The following CDC16 variants were observed in gnomAD, a reference collection of about 807,000 sequenced individuals.
CDC16 encodes cell division cycle protein 16 homolog.
In CDC16, 34 loss-of-function variants were observed where a neutral mutation model predicts 87.0. That is an observed-to-expected ratio of 0.39 (90% confidence interval 0.30 to 0.52). The LOEUF (loss-of-function observed/expected upper bound fraction) is 0.52. Ranked by LOEUF, CDC16 falls within the 20% of genes least tolerant of loss-of-function variation. The pLI, the probability that CDC16 is intolerant of heterozygous loss-of-function variation, is 0.74. For missense variants in CDC16, 653 were observed against 751.9 expected (o/e 0.87, Z 1.54); for synonymous variants, 263 against 260.6 (o/e 1.01, Z -0.09).
intron 12 of CDC16, 101 bp from the exon 13 acceptor site, chr13:114,256,977 A>C (rs1353922256): frequency 1.4e-6 from 1 of 696,010 alleles, no homozygotes; most frequent in East Asian, 2.7e-5. Flanking sequence ...TGTTTTGGCT[A>C]CCTTTAAATT....
At chr13:114,264,699 C>A (rs1293161194) in intron 16 of CDC16, among the ~76,000 whole-genome samples, 1 of 151,850 alleles carries the variant, frequency 6.6e-6, no homozygotes, top group African/African-American at 2.4e-5. Context: ...GCAACCTCCA[C>A]CTCCCAGCAG....
intron 17 of CDC16, among the ~76,000 whole-genome samples, chr13:114,271,120 A>G (rs1192087938): frequency 6.6e-6 from 1 of 151,680 alleles, no homozygotes; most frequent in Non-Finnish European, 1.5e-5. Context: ...ACGGGGTTTC[A>G]CCACATTAGC....
At chr13:114,246,083 T>C (rs1248864848) in intron 10 of CDC16, 34 bp downstream of exon 10, 1 of 1,057,856 alleles carries the variant, frequency 9.5e-7, no homozygotes, top group African/African-American at 1.6e-5. Flanking sequence ...TAGTTTTTTT[T>C]TTTTTACCTG....
Position 114,259,315 on chromosome 13 carries a change from C to CT in CDC16, c.1251-14dup. ...TTGCTAATTTCGAATAATCTGCAAC[C>CT]TTTTTTCCTTTCATTTTAGATGGAA... On this transcript the variant is annotated intron_variant, in intron 13 of 17. Coordinates refer to ENST00000356221, the MANE Select transcript of CDC16 (RefSeq NM_001078645.3). The CT allele has an allele frequency of 6.4e-7, 1 of 1,558,312 alleles. No homozygotes were observed.
In CDC16 at chr13:114,239,096, G is replaced by T; in HGVS notation, c.240+68G>T. The T allele has an allele frequency of 8.9e-6, 8 of 900,338 alleles. No individual in the cohort carries two copies. In the South Asian group the frequency reaches 1.9e-4, roughly 22 times the overall value. The allele number at this position is 900,338 out of a possible 1,614,324, so 55.8% of individuals were successfully genotyped here. On this transcript the variant is annotated intron_variant, in intron 4 of 17. Coordinates refer to ENST00000356221, the MANE Select transcript of CDC16 (RefSeq NM_001078645.3). ...TGAGTGTTATGCATCTCTTAAATATGTGTGAGAATTTTAGTGATGGAGCTT... is the reference window on the plus strand; with the variant it reads ...TGAGTGTTATGCATCTCTTAAATATTTGTGAGAATTTTAGTGATGGAGCTT...
intron 13 of CDC16, among the ~76,000 whole-genome samples, chr13:114,258,996 G>A (rs1346978583): frequency 6.6e-6 from 1 of 151,666 alleles, no homozygotes; most frequent in Non-Finnish European, 1.5e-5. Flanking sequence ...TGTGTCAGGA[G>A]GCTGAGGCAC....
At chr13:114,265,325 C>G in intron 17 of CDC16, 85 bp downstream of exon 17, 8 of 866,600 alleles carry the variant, frequency 9.2e-6, no homozygotes, top group Non-Finnish European at 1.6e-5. Context: ...ATATTCTCGT[C>G]TGAGGTTCCA....
At chr13:114,253,020 C>T (rs566879090) in intron 12 of CDC16, among the ~76,000 whole-genome samples, 1 of 152,236 alleles carries the variant, frequency 6.6e-6, no homozygotes, top group South Asian at 2.1e-4. Context: ...GCCTGTAATC[C>T]CAGCTATGCG....
Position 114,262,973 on chromosome 13 carries a change from C to G in CDC16, c.1471C>G (p.Leu491Val). ...CTCTGCTATTGGATATATCCACAGTCTGATGGGCAACTTTGAAAATGCTGT... is the reference window on the plus strand; with the variant it reads ...CTCTGCTATTGGATATATCCACAGTGTGATGGGCAACTTTGAAAATGCTGT... ...TYSAIGYIHS[L>V]MGNFENAVDY... Residue 491 changes from leucine (L) to valine (V), a missense_variant, in exon 16 of 18, where the codon CTG (leucine) becomes GTG (valine). Physicochemically the swap from Leu to Val is conservative, Grantham distance 32. Coordinates refer to ENST00000356221, the MANE Select transcript of CDC16 (RefSeq NM_001078645.3). 5.6e-6 allele frequency: 9 copies of G among 1,613,888 alleles called. No individual in the cohort carries two copies. The highest frequency in any genetic ancestry group is 1.3e-5 in the African/African-American group (1 of 75,050).
At chr13:114,256,024 C>G (rs538826719) in intron 12 of CDC16, among the ~76,000 whole-genome samples, 44 of 152,312 alleles carry the variant, frequency 2.9e-4, no homozygotes, top group African/African-American at 1.0e-3. Context: ...GGCTGCTAGG[C>G]TAATGGCTTT....
chr13:114,260,168 T>G (rs1020156573), intron 14 of CDC16, among the ~76,000 whole-genome samples: 5 of 152,230 alleles, frequency 3.3e-5, no homozygotes, highest in Non-Finnish European at 5.9e-5. Flanking sequence ...GGCTGTTAGC[T>G]CTCTCTGCTG....
rs949060154 is a variant in CDC16 at position 114,239,203 on chromosome 13, A to G, written c.241-147A>G. The G allele has an allele frequency of 4.3e-6, 6 of 1,391,236 alleles. No homozygotes were observed. The African/African-American group carries it at 5.8e-5, about 13-fold the overall frequency. The allele number at this position is 1,391,236 out of a possible 1,614,324, so 86.2% of individuals were successfully genotyped here. On this transcript the variant is annotated intron_variant, in intron 4 of 17. Transcript: ENST00000356221. ...ATAAAATACTGATTCTTCGTTTACC[A>G]CATGCTGACATGCATGAAGAAAATT... is the stretch of plus-strand genomic sequence containing the variant.
At chr13:114,247,131 CTTTCT>C in intron 11 of CDC16, 127 bp downstream of exon 11, 2 of 623,074 alleles carry the variant, frequency 3.2e-6, no homozygotes, top group South Asian at 4.0e-5. Flanking sequence ...TTTTTTCTTC[CTTTCT>C]TTTCTTTCTC....
chr13:114,270,753 C>T (rs576453295), intron 17 of CDC16, among the ~76,000 whole-genome samples: 2 of 152,268 alleles, frequency 1.3e-5, no homozygotes, highest in East Asian at 1.9e-4. Context: ...AGGTTGAAGC[C>T]TCAGCTCTGC....
At chr13:114,262,075 A>T in intron 15 of CDC16, 127 bp downstream of exon 15, 1 of 523,398 alleles carries the variant, frequency 1.9e-6, no homozygotes. Context: ...CTCAGATAAA[A>T]TCAGCATCAA....
chr13:114,255,209 T>G lies in CDC16; in HGVS notation c.1098-1869T>G, dbSNP rs140097682. Among the ~76,000 whole-genome samples, 1,488 of 152,344 alleles carry G rather than the reference T, an allele frequency of 9.8e-3. 22 individuals are homozygous for G. Among genetic ancestry groups the G allele is most frequent in the African/African-American group, 0.034 (1,414 of 41,574 alleles). ...GATTTTCTCAATTATACATTGTTAT[T>G]ATTTATGTAATTTTGTTTTTCAAAG... On this transcript the variant is annotated intron_variant, in intron 12 of 17. Transcript: ENST00000356221.
At chr13:114,236,614 G>A (rs1451737725) in intron 1 of CDC16, 31 bp from the exon 2 acceptor site, 2 of 1,590,820 alleles carry the variant, frequency 1.3e-6, no homozygotes, top group African/African-American at 2.7e-5. Context: ...TAACAGGGCA[G>A]TTACCACCTT....
At chr13:114,243,196 T>C (rs1477462466) in intron 6 of CDC16, 61 bp from the exon 7 acceptor site, 5 of 793,150 alleles carry the variant, frequency 6.3e-6, no homozygotes, top group Non-Finnish European at 1.1e-5. Context: ...TTTTTAGTTG[T>C]TGGCTTTTTC....
Position 114,238,233 on chromosome 13 carries a change from C to G in CDC16, c.202-757C>G, listed in dbSNP as rs1247862835. On this transcript the variant is annotated intron_variant, in intron 3 of 17. Transcript: ENST00000356221. ...GCCTGAAGTGGAGCTGCTGCGATCT[C>G]CTCGGACGCCCAGCAGTTATTCACA... Among the ~76,000 whole-genome samples the G allele has an allele frequency of 3.4e-5, 5 of 148,834 alleles. 1 individual carries two copies. The highest frequency in any genetic ancestry group is 7.7e-5 in the African/African-American group (3 of 39,134).
Sources: allele counts gnomAD v4.1 joint callset (sites outside exome capture counted in the v4.1 genomes callset), GRCh38; gene constraint gnomAD v4.1.1; transcripts MANE v1.5; gene names NCBI Gene and HGNC (gene_info 2026-07-23, HGNC 2026-07-21).